Variants in NCAM2 observed in about 807,000 individuals in gnomAD.
The protein encoded by NCAM2 is neural cell adhesion molecule 2, also known as N-CAM-2.
Under a neutral mutation model 98.1 loss-of-function variants are expected in NCAM2, and 30 were observed. The observed-to-expected ratio is 0.31, with a 90% CI of 0.23 to 0.41. The LOEUF (loss-of-function observed/expected upper bound fraction) is 0.41. NCAM2 is among the 10% of genes least tolerant of loss of function. The pLI is 1.00. For synonymous variants in NCAM2, 368 were observed against 342.4 expected (o/e 1.07, Z -0.83); for missense variants, 867 against 1,005.8 (o/e 0.86, Z 1.87).
At chr21:21,265,096 T>TGTGTATATGTATATATAC (rs2072149609) in intron 1 of NCAM2, among the ~76,000 whole-genome samples, 2 of 72,346 alleles carry the variant, frequency 2.8e-5, no homozygotes, top group Non-Finnish European at 5.1e-5. Context: ...ATATTATATA[T>TGTGTATATGTATATATAC]ACATATATAA....
intron 16 of NCAM2, among the ~76,000 whole-genome samples, chr21:21,516,141 C>T (rs1988699112): frequency 6.6e-6 from 1 of 152,230 alleles, no homozygotes; most frequent in East Asian, 1.9e-4. Context: ...TGCAATTACT[C>T]CCCAAAGAAC....
intron 4 of NCAM2, 130 bp downstream of exon 4, chr21:21,286,542 C>A: frequency 4.1e-6 from 4 of 978,816 alleles, no homozygotes; most frequent in Non-Finnish European, 4.4e-6. Context: ...ATTTTGAGAA[C>A]CTGTAAGCTC....
At chr21:21,076,198 TG>T (rs571140568) in intron 1 of NCAM2, among the ~76,000 whole-genome samples, 133 of 152,108 alleles carry the variant, frequency 8.7e-4, no homozygotes, top group African/African-American at 3.1e-3. Context: ...ATAAGGGAAA[TG>T]AGCTGAAAAC....
At chr21:21,264,710 C>A (rs1313862688) in intron 1 of NCAM2, among the ~76,000 whole-genome samples, 1 of 148,138 alleles carries the variant, frequency 6.8e-6, no homozygotes, top group Non-Finnish European at 1.5e-5. Context: ...CACACACATA[C>A]ATCATTTTGT....
intron 9 of NCAM2, among the ~76,000 whole-genome samples, chr21:21,403,678 G>A (rs1477720427): frequency 2.0e-5 from 3 of 152,002 alleles, no homozygotes; most frequent in African/African-American, 7.3e-5. Flanking sequence ...ATTTGGCAAG[G>A]CAACCCATGA....
At chr21:21,174,753 T>C (rs2068228736) in intron 1 of NCAM2, among the ~76,000 whole-genome samples, 1 of 151,614 alleles carries the variant, frequency 6.6e-6, no homozygotes, top group Admixed American at 6.6e-5. Context: ...AATAAATAAA[T>C]ACCAATAATA....
intron 12 of NCAM2, among the ~76,000 whole-genome samples, chr21:21,457,495 C>T (rs915564985): frequency 6.6e-6 from 1 of 152,094 alleles, no homozygotes; most frequent in Non-Finnish European, 1.5e-5. Context: ...TAAAAATTAG[C>T]TGGGCTTGGT....
At chr21:21,343,624 G>C (rs1039652281) in intron 8 of NCAM2, among the ~76,000 whole-genome samples, 2 of 152,124 alleles carry the variant, frequency 1.3e-5, no homozygotes, top group African/African-American at 4.8e-5. Flanking sequence ...ACCTGTTAGA[G>C]CAGAAAGGAA....
chr21:21,027,906 G>C (rs2064586947), intron 1 of NCAM2, among the ~76,000 whole-genome samples: 2 of 151,142 alleles, frequency 1.3e-5, no homozygotes, highest in Non-Finnish European at 2.9e-5. Flanking sequence ...GCCCAGGCTG[G>C]AGTGCGGTGG....
At chr21:21,075,869 C>T (rs1278636837) in intron 1 of NCAM2, among the ~76,000 whole-genome samples, 1 of 152,080 alleles carries the variant, frequency 6.6e-6, no homozygotes, top group Non-Finnish European at 1.5e-5. Flanking sequence ...GTAATCCCAG[C>T]ACTTTGGGAG....
At chr21:21,425,260 A>G (rs2077192470) in intron 11 of NCAM2, among the ~76,000 whole-genome samples, 2 of 151,642 alleles carry the variant, frequency 1.3e-5, no homozygotes, top group South Asian at 4.1e-4. Flanking sequence ...TTTAAAGTAT[A>G]ATAAAAAAAA....
At chr21:21,533,635 C>G (rs904170218) in intron 16 of NCAM2, among the ~76,000 whole-genome samples, 1 of 141,400 alleles carries the variant, frequency 7.1e-6, no homozygotes, top group Non-Finnish European at 1.5e-5. Context: ...TTGAAGTCCC[C>G]AACCCTTCTT....
At chr21:21,104,998 A>G (rs2066317166) in intron 1 of NCAM2, among the ~76,000 whole-genome samples, 1 of 152,124 alleles carries the variant, frequency 6.6e-6, no homozygotes. Flanking sequence ...CAAATCCCCC[A>G]GTCTCAAACA....
chr21:21,135,492 C>G (rs922601413), intron 1 of NCAM2, among the ~76,000 whole-genome samples: 1 of 152,146 alleles, frequency 6.6e-6, no homozygotes, highest in East Asian at 1.9e-4. Context: ...ACTGAAGTTA[C>G]TTAACAGTGA....
chr21:21,090,775 G>T (rs1262349891), intron 1 of NCAM2, among the ~76,000 whole-genome samples: 4 of 152,116 alleles, frequency 2.6e-5, no homozygotes, highest in Admixed American at 2.0e-4. Flanking sequence ...GCTTGCAATT[G>T]CTTCAACCCT....
chr21:21,517,886 A>G (rs1988800822), intron 16 of NCAM2, among the ~76,000 whole-genome samples: 1 of 152,150 alleles, frequency 6.6e-6, no homozygotes, highest in South Asian at 2.1e-4. Flanking sequence ...TCACCTTGTA[A>G]GAGAGTACCA....
intron 1 of NCAM2, among the ~76,000 whole-genome samples, chr21:21,095,853 A>G (rs995573381): frequency 1.3e-5 from 2 of 151,732 alleles, no homozygotes; most frequent in African/African-American, 4.8e-5. Flanking sequence ...CTCCCTTTAT[A>G]TTATGAATCT....
At chr21:21,135,232 T>C (rs2146630003) in intron 1 of NCAM2, among the ~76,000 whole-genome samples, 1 of 118,386 alleles carries the variant, frequency 8.4e-6, no homozygotes, top group South Asian at 3.1e-4. Flanking sequence ...GGCTACAGAG[T>C]GAGACTCCAT....
intron 9 of NCAM2, among the ~76,000 whole-genome samples, chr21:21,404,442 C>T (rs977193055): frequency 6.6e-6 from 1 of 152,126 alleles, no homozygotes; most frequent in Non-Finnish European, 1.5e-5. Context: ...GCTTGGCTCT[C>T]ATTCTGTCTT....
Sources: allele counts gnomAD v4.1 joint callset (sites outside exome capture counted in the v4.1 genomes callset), GRCh38; gene constraint gnomAD v4.1.1; transcripts MANE v1.5; gene names NCBI Gene and HGNC (gene_info 2026-07-23, HGNC 2026-07-21).